CDH13: variants seen among roughly 807,000 people sequenced by gnomAD.
The protein encoded by CDH13 is cadherin 13.
In CDH13, 24 loss-of-function variants were observed where a neutral mutation model predicts 63.8. The ratio of observed to expected loss-of-function variants is 0.38; its 90% CI spans 0.27 to 0.53. The LOEUF is 0.53. CDH13 is among the 20% of genes least tolerant of loss of function. CDH13 has a pLI of 0.85. For synonymous variants in CDH13, 503 were observed against 355.3 expected, an observed-to-expected ratio of 1.42 and a Z score of -4.67; for missense variants, 1,049 against 903.1, an observed-to-expected ratio of 1.16 and a Z score of -2.07.
At chr16:83,580,947 A>G (rs1490555224) in intron 7 of CDH13, among the ~76,000 whole-genome samples, 1 of 152,226 alleles carries the variant, frequency 6.6e-6, no homozygotes, top group Non-Finnish European at 1.5e-5. Flanking sequence ...TTTGTTACAT[A>G]ACAGATCTCT....
At chr16:83,415,309 C>G (rs2092184029) in intron 6 of CDH13, among the ~76,000 whole-genome samples, 1 of 152,088 alleles carries the variant, frequency 6.6e-6, no homozygotes, top group African/African-American at 2.4e-5. Flanking sequence ...CAAAGTAAAG[C>G]TTAAGACCAG....
chr16:82,772,402 G>A (rs991856895), intron 1 of CDH13, among the ~76,000 whole-genome samples: 1 of 152,136 alleles, frequency 6.6e-6, no homozygotes, highest in African/African-American at 2.4e-5. Flanking sequence ...ATGTATACCA[G>A]CTGCAATATG....
At chr16:83,216,944 A>G (rs71402056) in intron 4 of CDH13, among the ~76,000 whole-genome samples, 37 of 152,090 alleles carry the variant, frequency 2.4e-4, no homozygotes, top group Non-Finnish European at 4.9e-4. Flanking sequence ...AAATACCTGG[A>G]ATCTTGATCA....
chr16:82,634,132 G>T (rs1908364061), intron 1 of CDH13, among the ~76,000 whole-genome samples: 1 of 152,220 alleles, frequency 6.6e-6, no homozygotes, highest in South Asian at 2.1e-4. Flanking sequence ...GGGGCGGAGG[G>T]CAGCAGCTGC....
At chr16:83,509,351 A>G (rs1028433864) in intron 7 of CDH13, among the ~76,000 whole-genome samples, 1 of 152,214 alleles carries the variant, frequency 6.6e-6, no homozygotes, top group Non-Finnish European at 1.5e-5. Context: ...ATTTTTGAGC[A>G]CTGATCTGCA....
rs3052591 is a variant in CDH13, at chr16:83,301,025, G to GTTTTTTTTTT, written c.637-43822_637-43813dup. On this transcript the variant is annotated intron_variant, in intron 5 of 13. Transcript: ENST00000567109. Reference sequence around the variant, plus strand: ...GAACTGATACATATAACTTTCTGGGGTTTTTTTTTTTTTTTTTTTTTTTTG... The same window carrying GTTTTTTTTTT: ...GAACTGATACATATAACTTTCTGGGGTTTTTTTTTTTTTTTTTTTTTTTTTTTTTTTTTTG... Among the ~76,000 whole-genome samples, 163 of 78,774 alleles carry GTTTTTTTTTT rather than the reference G, an allele frequency of 2.1e-3. 14 individuals are homozygous for GTTTTTTTTTT. Among genetic ancestry groups the GTTTTTTTTTT allele is most frequent in the African/African-American group, 3.3e-3 (61 of 18,614 alleles). The allele number at this position is 78,774 out of a possible 152,430, so 51.7% of individuals were successfully genotyped here. A position where few individuals can be genotyped will look rare whatever the true frequency, so the allele number is the denominator to read the frequency against.
At chr16:83,673,959 A>G (rs749677660) in intron 9 of CDH13, among the ~76,000 whole-genome samples, 2 of 152,094 alleles carry the variant, frequency 1.3e-5, no homozygotes, top group African/African-American at 4.8e-5. Flanking sequence ...TGGAATTGGG[A>G]TGCAGACTCT....
At chr16:83,521,063 A>C (rs1271544527) in intron 7 of CDH13, among the ~76,000 whole-genome samples, 2 of 152,184 alleles carry the variant, frequency 1.3e-5, no homozygotes, top group Admixed American at 6.5e-5. Context: ...GTGCTTTTTA[A>C]AGCAACATGC....
chr16:82,885,792 G>A (rs1375136577), intron 2 of CDH13, among the ~76,000 whole-genome samples: 1 of 152,010 alleles, frequency 6.6e-6, no homozygotes, highest in Non-Finnish European at 1.5e-5. Flanking sequence ...ACGTTTTTAT[G>A]CTTCTATGGC....
rs571308819 is a variant in CDH13 at position 83,765,027 on chromosome 16, C to G, written c.1682-14941C>G. On this transcript the variant is annotated intron_variant, in intron 11 of 13. Transcript: ENST00000567109. Reference sequence around the variant, plus strand: ...CATTTCTAGCACACTCAAATGCCATCTCTTCATGAAGCCTTCTGATCTATC... The same window carrying G: ...CATTTCTAGCACACTCAAATGCCATGTCTTCATGAAGCCTTCTGATCTATC... 7.2e-5 allele frequency among the ~76,000 whole-genome samples: 11 copies of G among 152,356 alleles called. No individual in the cohort carries two copies. In the East Asian group the frequency reaches 2.1e-3, roughly 29 times the overall value.
At chr16:83,115,495 A>C (rs973944188) in intron 3 of CDH13, among the ~76,000 whole-genome samples, 9 of 152,234 alleles carry the variant, frequency 5.9e-5, no homozygotes, top group African/African-American at 2.2e-4. Flanking sequence ...TCTCCAAAGG[A>C]ATAACCCTCA....
At chr16:82,843,498 C>A (rs1230659176) in intron 1 of CDH13, among the ~76,000 whole-genome samples, 2 of 152,268 alleles carry the variant, frequency 1.3e-5, no homozygotes, top group East Asian at 3.9e-4. Context: ...ATAATCAGTT[C>A]CTTGCTTTCC....
chr16:83,412,816 T>A (rs2092147516), intron 6 of CDH13, among the ~76,000 whole-genome samples: 1 of 152,240 alleles, frequency 6.6e-6, no homozygotes. Flanking sequence ...CAGGACATCT[T>A]TGAACCCAGG....
intron 3 of CDH13, among the ~76,000 whole-genome samples, chr16:83,052,999 C>T (rs1402053681): frequency 1.3e-5 from 2 of 152,028 alleles, no homozygotes; most frequent in Non-Finnish European, 2.9e-5. Flanking sequence ...GACCATAAGC[C>T]TTGTGGTTTG....
chr16:83,188,534 G>C (rs1400486901), intron 4 of CDH13, among the ~76,000 whole-genome samples: 4 of 152,172 alleles, frequency 2.6e-5, no homozygotes, highest in East Asian at 3.9e-4. Flanking sequence ...CTGAAGCTCA[G>C]AGACATTCAG....
chr16:83,223,524 C>T (rs2039759276), intron 5 of CDH13, among the ~76,000 whole-genome samples: 1 of 152,210 alleles, frequency 6.6e-6, no homozygotes, highest in Non-Finnish European at 1.5e-5. Context: ...GCTGGCTCTT[C>T]CTGCCACTTT....
chr16:83,046,623 GC>G (rs1917808369), intron 3 of CDH13, among the ~76,000 whole-genome samples: 1 of 152,138 alleles, frequency 6.6e-6, no homozygotes, highest in Admixed American at 6.5e-5. Flanking sequence ...CACTGGGAAG[GC>G]CTTTAACAGA....
At chr16:82,775,302 T>C (rs1236263537) in intron 1 of CDH13, among the ~76,000 whole-genome samples, 1 of 152,194 alleles carries the variant, frequency 6.6e-6, no homozygotes, top group Non-Finnish European at 1.5e-5. Flanking sequence ...AGCCTCCTAA[T>C]ACAGTAAAGT....
chr16:82,782,153 T>A (rs1468225757), intron 1 of CDH13, among the ~76,000 whole-genome samples: 1 of 152,130 alleles, frequency 6.6e-6, no homozygotes, highest in Non-Finnish European at 1.5e-5. Flanking sequence ...GTGCAGAACA[T>A]ATGGTGGTAT....
Sources: allele counts gnomAD v4.1 joint callset (sites outside exome capture counted in the v4.1 genomes callset), GRCh38; gene constraint gnomAD v4.1.1; transcripts MANE v1.5; gene names NCBI Gene and HGNC (gene_info 2026-07-23, HGNC 2026-07-21).